The following KCNJ3 variants were observed in gnomAD, a reference collection of about 807,000 sequenced individuals.
KCNJ3 encodes G protein-activated inward rectifier potassium channel 1.
KCNJ3 carries 4 observed loss-of-function variants against 39.2 expected under a neutral mutation model. That is an observed-to-expected ratio of 0.10 (90% confidence interval 0.05 to 0.23). The LOEUF (loss-of-function observed/expected upper bound fraction) is 0.23. Ranked by LOEUF, KCNJ3 falls within the 10% of genes least tolerant of loss-of-function variation. KCNJ3 has a pLI of 1.00. For synonymous variants in KCNJ3, 230 were observed against 237.4 expected, an observed-to-expected ratio of 0.97 and a Z score of 0.29; for missense variants, 276 against 634.9, an observed-to-expected ratio of 0.43 and a Z score of 6.08.
At position 154,845,971 on chromosome 2, in the gene KCNJ3, G is replaced by GAAA. The variant is rs34720142; in HGVS notation, c.920-8746_920-8744dup. ...GGCGTCACAGCGAGACTCTGTCTCA[G>GAAA]AAAAAAAAAAAAGGAAGTGAATTTG... On this transcript the variant is annotated intron_variant, in intron 2 of 2. Transcript: ENST00000295101. Among the ~76,000 whole-genome samples, 409 of 145,172 alleles carry GAAA rather than the reference G, an allele frequency of 2.8e-3. 4 individuals are homozygous for GAAA. Among genetic ancestry groups the GAAA allele is most frequent in the African/African-American group, 0.01 (402 of 39,186 alleles).
chr2:154,715,753 T>C (rs1685170401), intron 2 of KCNJ3, among the ~76,000 whole-genome samples: 1 of 141,652 alleles, frequency 7.1e-6, no homozygotes, highest in Non-Finnish European at 1.6e-5. Context: ...CCCTTTCGTG[T>C]CAAGTTACTG....
chr2:154,831,883 C>T (rs1488742691), intron 2 of KCNJ3, among the ~76,000 whole-genome samples: 1 of 152,086 alleles, frequency 6.6e-6, no homozygotes, highest in African/African-American at 2.4e-5. Context: ...GTTTATTTGG[C>T]TCATGGTTCT....
intron 2 of KCNJ3, among the ~76,000 whole-genome samples, chr2:154,726,478 G>A (rs1308646671): frequency 6.6e-6 from 1 of 152,048 alleles, no homozygotes; most frequent in Non-Finnish European, 1.5e-5. Flanking sequence ...TAGTGTGGAT[G>A]TGGTGAAAAA....
chr2:154,699,249 C>A lies in KCNJ3; in HGVS notation c.474C>A (p.Gly158=). The A allele has an allele frequency of 6.2e-7, 1 of 1,614,126 alleles. No individual in the cohort carries two copies. Among genetic ancestry groups the A allele is most frequent in the Non-Finnish European group, 8.5e-7 (1 of 1,180,044 alleles). The change falls in exon 1 of 3, where the codon GGC becomes GGA. Residue 158 remains glycine (G), a synonymous_variant. Coordinates refer to ENST00000295101, the MANE Select transcript of KCNJ3 (RefSeq NM_002239.4). This position sits in a 1 kb window ranked among gnomAD's most constrained non-coding sequence, Gnocchi z 6.4. ...ACATCACAGACAAGTGCCCCGAGGG[C>A]ATCATCCTCTTCCTCTTCCAGTCCA... is the stretch of plus-strand genomic sequence containing the variant. ...YRYITDKCPE[G]IILFLFQSIL... is the part of the protein sequence containing the mutation.
rs751260026 is a variant in KCNJ3 at position 154,728,955 on chromosome 2, G to A, written c.919+19136G>A. ...TTTAGCACATTATCTAGTACTCTGG[G>A]ACATCCAGTAAATATTAGTAATTGT... On this transcript the variant is annotated intron_variant, in intron 2 of 2. Coordinates refer to ENST00000295101, the MANE Select transcript of KCNJ3 (RefSeq NM_002239.4). Among the ~76,000 whole-genome samples the A allele has an allele frequency of 1.3e-3, 198 of 152,092 alleles. 1 individual carries two copies. The highest frequency in any genetic ancestry group is 3.3e-3 in the Admixed American group (51 of 15,274).
rs143663840 is a variant in KCNJ3, at chr2:154,759,219, G to A, written c.919+49400G>A. 3.5e-3 allele frequency among the ~76,000 whole-genome samples: 532 copies of A among 152,216 alleles called. 8 individuals carry two copies. The highest frequency in any genetic ancestry group is 0.012 in the African/African-American group (501 of 41,536). Reference sequence around the variant, plus strand: ...GAACAGTGCAACAACTGCTAGTGCCGGGACACTGAATTTTGTTCTTATTAT... The same window carrying A: ...GAACAGTGCAACAACTGCTAGTGCCAGGACACTGAATTTTGTTCTTATTAT... On this transcript the variant is annotated intron_variant, in intron 2 of 2. Coordinates refer to ENST00000295101, the MANE Select transcript of KCNJ3 (RefSeq NM_002239.4).
intron 1 of KCNJ3, among the ~76,000 whole-genome samples, chr2:154,707,231 G>A (rs1685028847): frequency 6.8e-6 from 1 of 146,290 alleles, no homozygotes; most frequent in African/African-American, 2.5e-5. Context: ...AGGATATCAA[G>A]TATTTGAGGT....
chr2:154,756,732 C>T (rs531191277), intron 2 of KCNJ3, among the ~76,000 whole-genome samples: 1 of 152,012 alleles, frequency 6.6e-6, no homozygotes, highest in South Asian at 2.1e-4. Flanking sequence ...GCACGTCCTG[C>T]ACATGTACCC....
chr2:154,827,152 A>AT (rs1687285022), intron 2 of KCNJ3, among the ~76,000 whole-genome samples: 1 of 151,926 alleles, frequency 6.6e-6, no homozygotes, highest in Admixed American at 6.6e-5. Flanking sequence ...TTTTGCTTGA[A>AT]TTTTTTTCCA....
At chr2:154,804,901 C>T (rs1415271555) in intron 2 of KCNJ3, among the ~76,000 whole-genome samples, 1 of 152,016 alleles carries the variant, frequency 6.6e-6, no homozygotes, top group African/African-American at 2.4e-5. Context: ...ATTATTACAT[C>T]ATTTGAGTTG....
chr2:154,779,214 A>G (rs1235639820), intron 2 of KCNJ3, among the ~76,000 whole-genome samples: 2 of 151,872 alleles, frequency 1.3e-5, no homozygotes, highest in Non-Finnish European at 2.9e-5. Context: ...GAGAAGTTTA[A>G]CGGTGTTGGT....
intron 2 of KCNJ3, among the ~76,000 whole-genome samples, chr2:154,817,405 C>CT (rs899745203): frequency 1.3e-5 from 2 of 152,082 alleles, no homozygotes; most frequent in Non-Finnish European, 2.9e-5. Flanking sequence ...CTGGAGTTAG[C>CT]TTTTTTGCCA....
At chr2:154,851,905 T>G (rs905241298) in intron 2 of KCNJ3, among the ~76,000 whole-genome samples, 54 of 152,284 alleles carry the variant, frequency 3.5e-4, no homozygotes, top group Admixed American at 1.2e-3. Flanking sequence ...GGGCAAAATT[T>G]TGATTTTTTA....
At chr2:154,741,284 A>G (rs1374586424) in intron 2 of KCNJ3, among the ~76,000 whole-genome samples, 1 of 151,928 alleles carries the variant, frequency 6.6e-6, no homozygotes, top group Non-Finnish European at 1.5e-5. Context: ...CTGACCACAG[A>G]CCACATTCTG....
At chr2:154,743,020 G>A (rs1221943308) in intron 2 of KCNJ3, among the ~76,000 whole-genome samples, 1 of 151,616 alleles carries the variant, frequency 6.6e-6, no homozygotes, top group African/African-American at 2.4e-5. Context: ...ATAGGTCTTT[G>A]ATTCATTTTG....
intron 1 of KCNJ3, among the ~76,000 whole-genome samples, chr2:154,708,249 T>C (rs1685046709): frequency 6.6e-6 from 1 of 152,194 alleles, no homozygotes; most frequent in Admixed American, 6.6e-5. Flanking sequence ...AATTCTCCTG[T>C]TGAAACTCTT....
intron 2 of KCNJ3, among the ~76,000 whole-genome samples, chr2:154,805,363 C>T (rs754788285): frequency 6.6e-6 from 1 of 151,972 alleles, no homozygotes; most frequent in African/African-American, 2.4e-5. Context: ...AGAAGAACGC[C>T]GGGCTGAAAT....
chr2:154,781,678 G>A (rs1686441083), intron 2 of KCNJ3, among the ~76,000 whole-genome samples: 1 of 151,968 alleles, frequency 6.6e-6, no homozygotes, highest in Non-Finnish European at 1.5e-5. Flanking sequence ...GATATTGTAG[G>A]TTAAAAATAG....
At chr2:154,798,516 G>A (rs532038498) in intron 2 of KCNJ3, among the ~76,000 whole-genome samples, 55 of 152,144 alleles carry the variant, frequency 3.6e-4, no homozygotes, top group African/African-American at 5.3e-4. Flanking sequence ...AGCCTTTCTC[G>A]TTATCAAAAC....
Sources: allele counts gnomAD v4.1 joint callset (sites outside exome capture counted in the v4.1 genomes callset), GRCh38; gene constraint gnomAD v4.1.1; non-coding constraint Gnocchi (gnomAD v3.1); transcripts MANE v1.5; gene names NCBI Gene and HGNC (gene_info 2026-07-23, HGNC 2026-07-21).